CAD: variants seen among roughly 807,000 people sequenced by gnomAD.
CAD encodes the protein carbamoyl-phosphate synthetase 2, aspartate transcarbamylase, and dihydroorotase.
A neutral mutation model predicts 237.2 loss-of-function variants in CAD; 81 were observed. The ratio of observed to expected loss-of-function variants is 0.34; its 90% CI spans 0.29 to 0.41. CAD has a LOEUF of 0.41. Among genes scored for constraint, CAD ranks in the 10% least tolerant of loss-of-function variants. CAD has a pLI of 1.00. For synonymous variants in CAD, 1,196 were observed against 1,162.8 expected (o/e 1.03, Z -0.58); for missense variants, 2,181 against 2,951.7 (o/e 0.74, Z 6.05).
intron 11 of CAD, 80 bp downstream of exon 11, chr2:27,225,323 T>C: frequency 1.2e-6 from 1 of 816,856 alleles, no homozygotes; most frequent in Non-Finnish European, 1.9e-6. Flanking sequence ...TTTTTTTTTT[T>C]GAGACGGAGT....
At chr2:27,238,756 C>CTGT in intron 31 of CAD, 124 bp downstream of exon 31, 1 of 897,714 alleles carries the variant, frequency 1.1e-6, no homozygotes, top group Non-Finnish European at 1.7e-6. Context: ...CGTATGGGAC[C>CTGT]CTAGCCTCTA....
intron 15 of CAD, among the ~76,000 whole-genome samples, chr2:27,230,786 T>C (rs1166681960): frequency 2.0e-5 from 3 of 152,242 alleles, no homozygotes; most frequent in African/African-American, 7.2e-5. Context: ...GTTGGTGTTA[T>C]GATTATGTGA....
chr2:27,232,966 G>T lies in CAD; in HGVS notation c.2893-76G>T. On this transcript the variant is annotated intron_variant, in intron 18 of 43. Coordinates refer to ENST00000264705, the MANE Select transcript of CAD (RefSeq NM_004341.5). The surrounding 1 kb of genome is among the most constrained non-coding windows in gnomAD (Gnocchi z 4.1). ...GGCAGTCTCTGAAGTAGGGGCTTTG[G>T]CTTAGTTTCTCCACGATTTTCTCCA... The T allele has an allele frequency of 9.8e-7, 1 of 1,021,760 alleles. No individual in the cohort carries two copies. Among genetic ancestry groups the T allele is most frequent in the Non-Finnish European group, 1.6e-6 (1 of 644,006 alleles). 63.3% of individuals were successfully genotyped at this position (1,021,760 alleles called of 1,614,324 possible).
intron 23 of CAD, among the ~76,000 whole-genome samples, chr2:27,234,935 A>C (rs1675931231): frequency 6.6e-6 from 1 of 152,208 alleles, no homozygotes; most frequent in Non-Finnish European, 1.5e-5. Context: ...TGTAAACAGA[A>C]TGCTGCAGGA....
chr2:27,222,841 A>G, intron 5 of CAD, 25 bp from the exon 6 acceptor site: 1 of 1,610,934 alleles, frequency 6.2e-7, no homozygotes, highest in Non-Finnish European at 8.5e-7. Flanking sequence ...ACTGATTTTG[A>G]TGTCATCTTT....
At position 27,238,260 on chromosome 2, in the gene CAD, G is replaced by A. The variant is rs942672270; in HGVS notation, c.4860+73G>A. On this transcript the variant is annotated intron_variant, in intron 30 of 43. Coordinates refer to ENST00000264705, the MANE Select transcript of CAD (RefSeq NM_004341.5). ...CACCAAAGGTCAGGGTAGTCCTTAGGGGCAGGAGACAGCAGGAGGAGAGTC... is the reference window on the plus strand; with the variant it reads ...CACCAAAGGTCAGGGTAGTCCTTAGAGGCAGGAGACAGCAGGAGGAGAGTC... 97 of 1,562,060 alleles carry A rather than the reference G, an allele frequency of 6.2e-5. No homozygotes were observed. The African/African-American group carries it at 1.1e-3, about 18-fold the overall frequency.
Position 27,234,661 on chromosome 2 carries a change from T to C in CAD, c.3762T>C (p.Thr1254=), listed in dbSNP as rs1558538970. The change falls in exon 23 of 44, where the codon ACT becomes ACC. Residue 1254 remains threonine (T), a synonymous_variant. Coordinates refer to ENST00000264705, the MANE Select transcript of CAD (RefSeq NM_004341.5). ...GEEVEPVGLM[T]GSGVVGVKVP... ...AAGTGGAACCTGTGGGGCTAATGACTGGTTCTGGAGTCGTGGGAGTAAAGG... is the reference window on the plus strand; with the variant it reads ...AAGTGGAACCTGTGGGGCTAATGACCGGTTCTGGAGTCGTGGGAGTAAAGG... 1 of 1,614,120 alleles carries C rather than the reference T, an allele frequency of 6.2e-7. No homozygotes were observed. The highest frequency in any genetic ancestry group is 8.5e-7 in the Non-Finnish European group (1 of 1,180,012).
chr2:27,238,351 A>C, intron 30 of CAD, 80 bp from the exon 31 acceptor site: 1 of 1,466,064 alleles, frequency 6.8e-7, no homozygotes, highest in Non-Finnish European at 9.3e-7. Context: ...TTTTTTGAGC[A>C]GGGATGTTGG....
chr2:27,239,205 G>A lies in CAD; in HGVS notation c.5226G>A (p.Leu1742=), dbSNP rs1264523091. 1.9e-6 allele frequency: 3 copies of A among 1,608,240 alleles called. No homozygotes were observed. The highest frequency in any genetic ancestry group is 1.7e-4 in the Middle Eastern group (1 of 6,044). Residue 1742 remains leucine (L), a synonymous_variant, in exon 32 of 44, where the codon CTG becomes CTA. Transcript: ENST00000264705. This position sits in a 1 kb window ranked among gnomAD's most constrained non-coding sequence, Gnocchi z 4.0. ...ACAATCCTCGGCGCATCTTTCACCT[G>A]CCCCCGCAGGAGGACACCTATGTGG... is the stretch of plus-strand genomic sequence containing the variant. ...LHHNPRRIFH[L]PPQEDTYVEV... is the part of the protein sequence containing the mutation.
In CAD at chr2:27,234,168, A is replaced by T. The variant is rs1298579480; in HGVS notation, c.3560A>T (p.His1187Leu). Residue 1187 changes from histidine to leucine, a missense_variant, in exon 22 of 44, where the codon CAT (histidine) becomes CTT (leucine). By Grantham distance (99) the His-to-Leu change is moderately conservative. This residue lies in a region of CAD where 306 missense variants were observed against 607.9 expected (regional missense o/e 0.50). Coordinates refer to ENST00000264705, the MANE Select transcript of CAD (RefSeq NM_004341.5). ...KTLERIKAIV[H>L]AVGQELQVTG... is the part of the protein sequence containing the mutation. Reference sequence around the variant, plus strand: ...CTGGAGCGGATCAAAGCCATTGTGCATGCTGTGGGCCAGGAGCTACAGGTC... The same window carrying T: ...CTGGAGCGGATCAAAGCCATTGTGCTTGCTGTGGGCCAGGAGCTACAGGTC... 6.8e-6 allele frequency: 11 copies of T among 1,614,100 alleles called. No homozygotes were observed. The highest frequency in any genetic ancestry group is 1.3e-5 in the African/African-American group (1 of 74,932).
At position 27,232,311 on chromosome 2, in the gene CAD, G is replaced by A; in HGVS notation, c.2645+87G>A. On this transcript the variant is annotated intron_variant, in intron 17 of 43. Coordinates refer to ENST00000264705, the MANE Select transcript of CAD (RefSeq NM_004341.5). The surrounding 1 kb of genome is among the most constrained non-coding windows in gnomAD (Gnocchi z 4.1). Reference sequence around the variant, plus strand: ...AGGGACCCTTGGGAGGGAGGAAGGAGAGTGTGGGAGAGCTTTAGAGGCTTC... The same window carrying A: ...AGGGACCCTTGGGAGGGAGGAAGGAAAGTGTGGGAGAGCTTTAGAGGCTTC... The A allele has an allele frequency of 6.3e-7, 1 of 1,582,878 alleles. No homozygotes were observed. Among genetic ancestry groups the A allele is most frequent in the Middle Eastern group, 1.7e-4 (1 of 5,746 alleles).
At chr2:27,226,070 G>A in intron 12 of CAD, 61 bp from the exon 13 acceptor site, 1 of 1,539,940 alleles carries the variant, frequency 6.5e-7, no homozygotes, top group South Asian at 1.1e-5. Flanking sequence ...ACCCTGGGGT[G>A]CAGCCTTCTG....
chr2:27,242,136 TG>T lies in CAD; in HGVS notation c.6096+16del. The stretch of plus-strand genomic sequence containing the variant: ...TGGAGCAGTGGAGGTGAGGCCAGCC[TG>T]GGTACTGAGATGGGGTTAAGAAGGC... On this transcript the variant is annotated intron_variant, in intron 39 of 43. Coordinates refer to ENST00000264705, the MANE Select transcript of CAD (RefSeq NM_004341.5). This position sits in a 1 kb window ranked among gnomAD's most constrained non-coding sequence, Gnocchi z 6.4. 6.2e-7 allele frequency: 1 copy of T among 1,611,596 alleles called. No homozygotes were observed. The highest frequency in any genetic ancestry group is 1.1e-5 in the South Asian group (1 of 91,032).
Position 27,237,825 on chromosome 2 carries a change from T to G in CAD, c.4671T>G (p.Leu1557=). ...TVAGSAAGLK[L]YLNETFSELR... is the part of the protein sequence containing the mutation. Reference sequence around the variant, plus strand: ...CCGGGTCTGCAGCCGGGCTGAAGCTTTACCTCAATGAGACCTTCTCTGAGC... The same window carrying G: ...CCGGGTCTGCAGCCGGGCTGAAGCTGTACCTCAATGAGACCTTCTCTGAGC... Residue 1557 remains leucine (L), a synonymous_variant, in exon 29 of 44, where the codon CTT becomes CTG. Coordinates refer to ENST00000264705, the MANE Select transcript of CAD (RefSeq NM_004341.5). This position sits in a 1 kb window ranked among gnomAD's most constrained non-coding sequence, Gnocchi z 4.0. 6.2e-7 allele frequency: 1 copy of G among 1,614,132 alleles called. No homozygotes were observed. The highest frequency in any genetic ancestry group is 8.5e-7 in the Non-Finnish European group (1 of 1,180,032).
chr2:27,217,667 C>G, intron 1 of CAD, 34 bp downstream of exon 1: 2 of 1,552,646 alleles, frequency 1.3e-6, no homozygotes, highest in Middle Eastern at 1.7e-4. Flanking sequence ...AGACCTTATC[C>G]CACTCTGTGA....
In CAD at chr2:27,233,822, G is replaced by C. The variant is rs750018724; in HGVS notation, c.3399+14G>C. The C allele has an allele frequency of 3.7e-6, 6 of 1,612,556 alleles. No homozygotes were observed. In the South Asian group the frequency reaches 6.6e-5, roughly 18 times the overall value. ...CAGGAGGCTAAGGTGGGAGGCTGCA[G>C]ACAGTGAAGTCTCTGAGGGCATGCT... On this transcript the variant is annotated intron_variant, in intron 21 of 43. Transcript: ENST00000264705. This position sits in a 1 kb window ranked among gnomAD's most constrained non-coding sequence, Gnocchi z 6.3.
chr2:27,225,806 C>T lies in CAD; in HGVS notation c.1722C>T (p.Leu574=). The change falls in exon 12 of 44, where the codon CTC becomes CTT. Residue 574 remains leucine, a synonymous_variant. Transcript: ENST00000264705. ...GCTTTGCCTCTAACAGGGAGGAGCT[C>T]TCTGCTCTCGTGGCCCCAGCTTTTG... is the stretch of plus-strand genomic sequence containing the variant. ...GSGFASNREE[L]SALVAPAFAH... The T allele has an allele frequency of 6.2e-7, 1 of 1,614,182 alleles. No individual in the cohort carries two copies. The highest frequency in any genetic ancestry group is 8.5e-7 in the Non-Finnish European group (1 of 1,180,034).
Position 27,224,174 on chromosome 2 carries a change from G to A in CAD, c.1108+145G>A, listed in dbSNP as rs980238239. ...TGGGTGGCAACCAACCCAAGATACC[G>A]TTTAAGCTTCTGTTGAAAGGAACTC... is the stretch of plus-strand genomic sequence containing the variant. On this transcript the variant is annotated intron_variant, in intron 8 of 43. Transcript: ENST00000264705. 3.5e-5 allele frequency: 32 copies of A among 906,648 alleles called. No homozygotes were observed. The East Asian group carries it at 4.0e-4, about 11-fold the overall frequency. 56.2% of individuals were successfully genotyped at this position (906,648 alleles called of 1,614,324 possible).
chr2:27,224,589 G>T (rs898515645), intron 9 of CAD, 99 bp downstream of exon 9: 1 of 1,555,746 alleles, frequency 6.4e-7, no homozygotes, highest in Non-Finnish European at 8.7e-7. Context: ...AAATGAACCA[G>T]ATTTGGGGAA....
Sources: gnomAD v4.1 joint callset for allele counts (sites outside exome capture counted in the v4.1 genomes callset) on GRCh38, gnomAD v4.1.1 for gene constraint, gnomAD v4.1.1 regional missense constraint, Gnocchi (gnomAD v3.1) non-coding constraint, MANE v1.5 for transcripts, NCBI Gene and HGNC (gene_info 2026-07-23, HGNC 2026-07-21) for gene names.